The following DAPK1 variants were observed in gnomAD, a reference collection of about 807,000 sequenced individuals.
The protein encoded by DAPK1 is death-associated protein kinase 1.
Under a neutral mutation model 144.9 loss-of-function variants are expected in DAPK1, and 56 were observed. That is an observed-to-expected ratio of 0.39 (90% CI 0.31 to 0.48). The LOEUF (loss-of-function observed/expected upper bound fraction) is 0.48. DAPK1 is among the 20% of genes least tolerant of loss of function. The pLI is 0.95. For missense variants in DAPK1, 1,454 were observed against 1,875.4 expected (o/e 0.78, Z 4.15); for synonymous variants, 690 against 749.0 (o/e 0.92, Z 1.29).
chr9:87,708,152 CAA>C lies in DAPK1; in HGVS notation c.*789_*790del. 1 of 256,348 alleles carries C rather than the reference CAA, an allele frequency of 3.9e-6. No individual in the cohort carries two copies. Among genetic ancestry groups the C allele is most frequent in the South Asian group, 4.6e-5 (1 of 21,874 alleles). The allele number at this position is 256,348 out of a possible 1,614,324, so 15.9% of individuals were successfully genotyped here. On this transcript the variant is annotated 3_prime_UTR_variant, in exon 26 of 26. Coordinates refer to ENST00000408954, the MANE Select transcript of DAPK1 (RefSeq NM_004938.4). Reference sequence around the variant, plus strand: ...GACATTTTTCCGTTTGCTTTTGTTCCAATGTCAATGTGAACGTCCACATGAAA... The same window carrying C: ...GACATTTTTCCGTTTGCTTTTGTTCCTGTCAATGTGAACGTCCACATGAAA...
At position 87,542,793 on chromosome 9, in the gene DAPK1, T is replaced by C. The variant is rs146798395; in HGVS notation, c.62+43654T>C. On this transcript the variant is annotated intron_variant, in intron 2 of 25. Coordinates refer to ENST00000408954, the MANE Select transcript of DAPK1 (RefSeq NM_004938.4). ...GCCTTTGCCATTGCCCAGAGATCTG[T>C]CTGGCTTTGGAGTCAATATGGAACC... is the stretch of plus-strand genomic sequence containing the variant. Among the ~76,000 whole-genome samples the C allele has an allele frequency of 1.8e-3, 271 of 152,274 alleles. 1 individual carries two copies. Among genetic ancestry groups the C allele is most frequent in the African/African-American group, 6.2e-3 (259 of 41,552 alleles).
At chr9:87,510,493 C>T (rs2118103705) in intron 2 of DAPK1, among the ~76,000 whole-genome samples, 1 of 152,356 alleles carries the variant, frequency 6.6e-6, no homozygotes, top group South Asian at 2.1e-4. Flanking sequence ...TAGGCTACTC[C>T]TCCAGGAAGG....
At chr9:87,508,308 G>A (rs997255704) in intron 2 of DAPK1, among the ~76,000 whole-genome samples, 1 of 151,316 alleles carries the variant, frequency 6.6e-6, no homozygotes, top group Non-Finnish European at 1.5e-5. Context: ...CGCCGCACTG[G>A]TCCAACTTTT....
chr9:87,602,891 C>T (rs185766256), intron 2 of DAPK1, among the ~76,000 whole-genome samples: 1 of 151,044 alleles, frequency 6.6e-6, no homozygotes, highest in Admixed American at 6.6e-5. Flanking sequence ...CTCGGCCTCC[C>T]AAAGCGGTTT....
chr9:87,547,845 C>G (rs1826317419), intron 2 of DAPK1, among the ~76,000 whole-genome samples: 1 of 152,116 alleles, frequency 6.6e-6, no homozygotes, highest in African/African-American at 2.4e-5. Flanking sequence ...TGGCTTTACT[C>G]AGAGTCTGCT....
intron 3 of DAPK1, 72 bp downstream of exon 3, chr9:87,605,247 C>T (rs1828674591): frequency 3.1e-6 from 4 of 1,284,434 alleles, no homozygotes; most frequent in African/African-American, 1.5e-5. Flanking sequence ...TCCAGCTGGA[C>T]CACGCCACAG....
At chr9:87,584,450 T>A (rs1004024109) in intron 2 of DAPK1, among the ~76,000 whole-genome samples, 4 of 151,362 alleles carry the variant, frequency 2.6e-5, no homozygotes, top group Non-Finnish European at 4.4e-5. Flanking sequence ...CTGATTTCAT[T>A]TGCTTTGGAT....
chr9:87,548,913 C>CTTTTTTTTTTTTTTTT (rs11291160), intron 2 of DAPK1, among the ~76,000 whole-genome samples: 3 of 63,846 alleles, frequency 4.7e-5, no homozygotes, highest in Non-Finnish European at 7.9e-5. Context: ...GATTTCATTC[C>CTTTTTTTTTTTTTTTT]TTTTTTTTTT....
At chr9:87,597,590 G>A (rs1301594701) in intron 2 of DAPK1, among the ~76,000 whole-genome samples, 1 of 152,042 alleles carries the variant, frequency 6.6e-6, no homozygotes, top group Non-Finnish European at 1.5e-5. Context: ...TGTGTTTAGA[G>A]AAAACAGTGT....
chr9:87,669,517 A>AT (rs201779709), intron 19 of DAPK1, among the ~76,000 whole-genome samples: 2 of 150,940 alleles, frequency 1.3e-5, no homozygotes, highest in Non-Finnish European at 2.9e-5. Flanking sequence ...TAATTACTGT[A>AT]TTTTTTTTAA....
At chr9:87,614,036 C>G (rs993502284) in intron 3 of DAPK1, among the ~76,000 whole-genome samples, 4 of 152,210 alleles carry the variant, frequency 2.6e-5, no homozygotes, top group Non-Finnish European at 4.4e-5. Context: ...CTCTGCCTTT[C>G]AAAGCAGAGC....
intron 21 of DAPK1, among the ~76,000 whole-genome samples, chr9:87,696,172 C>CAT (rs1472751354): frequency 2.6e-4 from 39 of 151,098 alleles, no homozygotes; most frequent in Admixed American, 2.0e-4. Context: ...TATACAGACA[C>CAT]ACACACACAC....
Position 87,576,332 on chromosome 9 carries a change from G to A in DAPK1, c.63-28622G>A, listed in dbSNP as rs1270937276. 3.9e-5 allele frequency among the ~76,000 whole-genome samples: 6 copies of A among 152,320 alleles called. No homozygotes were observed. The East Asian group carries it at 5.8e-4, about 15-fold the overall frequency. On this transcript the variant is annotated intron_variant, in intron 2 of 25. Coordinates refer to ENST00000408954, the MANE Select transcript of DAPK1 (RefSeq NM_004938.4). ...TAATTATAAGAATAAAAAGCAAAGC[G>A]CAGTGGACTCCTATATTTGCTCTTA...
chr9:87,511,582 A>G (rs1026567910), intron 2 of DAPK1, among the ~76,000 whole-genome samples: 12 of 152,156 alleles, frequency 7.9e-5, no homozygotes, highest in African/African-American at 2.7e-4. Flanking sequence ...CTGGTGTTAC[A>G]GGGAACCTGA....
chr9:87,618,630 T>C (rs565868687), intron 3 of DAPK1, among the ~76,000 whole-genome samples: 13 of 152,236 alleles, frequency 8.5e-5, no homozygotes, highest in Middle Eastern at 6.8e-3. Context: ...CTTGAAAACA[T>C]GCTAAGTGAA....
In DAPK1 at chr9:87,708,187, A is replaced by T; in HGVS notation, c.*823A>T. ...GTGAACGTCCACATGAAACCTACACACTGTCATGCTTCATCATTCCCTCTC... is the reference window on the plus strand; with the variant it reads ...GTGAACGTCCACATGAAACCTACACTCTGTCATGCTTCATCATTCCCTCTC... On this transcript the variant is annotated 3_prime_UTR_variant, in exon 26 of 26. Transcript: ENST00000408954. The T allele has an allele frequency of 4.2e-6, 1 of 238,164 alleles. No homozygotes were observed. Among genetic ancestry groups the T allele is most frequent in the Non-Finnish European group, 8.3e-6 (1 of 120,414 alleles). 14.8% of individuals were successfully genotyped at this position (238,164 alleles called of 1,614,324 possible).
chr9:87,615,381 C>T (rs1020033293), intron 3 of DAPK1, among the ~76,000 whole-genome samples: 2 of 152,208 alleles, frequency 1.3e-5, no homozygotes, highest in Non-Finnish European at 2.9e-5. Context: ...AGTTTCATTT[C>T]CAGCCTCTGA....
Position 87,640,385 on chromosome 9 carries a change from A to G in DAPK1, c.717A>G (p.Glu239=), listed in dbSNP as rs1203766328. 2 of 1,614,230 alleles carry G rather than the reference A, an allele frequency of 1.2e-6. No homozygotes were observed. The highest frequency in any genetic ancestry group is 1.7e-5 in the Admixed American group (1 of 60,028). ...VSAVNYEFED[E]YFSNTSALAK... is the part of the protein sequence containing the mutation. ...CTGTCAACTACGAATTTGAGGATGA[A>G]TACTTCAGTAATACCAGTGCCCTAG... Residue 239 remains glutamate, a synonymous_variant, in exon 8 of 26, where the codon GAA becomes GAG. Transcript: ENST00000408954.
intron 25 of DAPK1, among the ~76,000 whole-genome samples, chr9:87,704,406 T>G (rs79167454): frequency 0.024 from 3,580 of 152,262 alleles, 63 homozygotes; most frequent in African/African-American, 0.05. Context: ...AGTAAGTAAA[T>G]GAAGATGTAA....
Sources: gnomAD v4.1 joint callset for allele counts (sites outside exome capture counted in the v4.1 genomes callset) on GRCh38, gnomAD v4.1.1 for gene constraint, MANE v1.5 for transcripts, NCBI Gene and HGNC (gene_info 2026-07-23, HGNC 2026-07-21) for gene names.